The following TANGO6 variants were observed in gnomAD, a reference collection of about 807,000 sequenced individuals.
The protein encoded by TANGO6 is transport and golgi organization 6 homolog.
A neutral mutation model predicts 114.2 loss-of-function variants in TANGO6; 90 were observed. The ratio of observed to expected loss-of-function variants is 0.79; its 90% CI spans 0.66 to 0.94. The LOEUF (loss-of-function observed/expected upper bound fraction) is 0.94, where lower values mean the gene tolerates loss of function less well. TANGO6 is among the 40% of genes least tolerant of loss of function. The pLI is 0.00. For missense variants in TANGO6, 1,274 were observed against 1,315.3 expected (o/e 0.97, Z 0.49); for synonymous variants, 477 against 509.8 (o/e 0.94, Z 0.87).
intron 16 of TANGO6, chr16:69,035,341 G>A (rs1164521507): frequency 6.6e-6 from 1 of 152,204 alleles, no homozygotes; most frequent in African/African-American, 2.4e-5. Context: ...TTTACAGATG[G>A]TGAAGTTGCA....
chr16:69,045,861 C>A (rs1218214037), intron 17 of TANGO6, among the ~76,000 whole-genome samples: 1 of 150,274 alleles, frequency 6.7e-6, no homozygotes, highest in Non-Finnish European at 1.5e-5. Flanking sequence ...GTCAGGAATT[C>A]AAGACCAGCC....
chr16:68,859,191 G>C (rs2152156456), intron 1 of TANGO6, among the ~76,000 whole-genome samples: 1 of 152,098 alleles, frequency 6.6e-6, no homozygotes, highest in East Asian at 1.9e-4. Flanking sequence ...TTGTTTTTGA[G>C]ACTGGGTCTT....
intron 15 of TANGO6, among the ~76,000 whole-genome samples, chr16:68,988,689 TC>T (rs1260363424): frequency 7.0e-6 from 1 of 141,994 alleles, no homozygotes; most frequent in African/African-American, 2.8e-5. Flanking sequence ...AAGTTCTCTC[TC>T]TCTTTTTTTT....
intron 13 of TANGO6, among the ~76,000 whole-genome samples, chr16:68,928,850 G>A (rs547383659): frequency 2.6e-5 from 4 of 152,294 alleles, no homozygotes; most frequent in Middle Eastern, 3.4e-3. Flanking sequence ...TTAGTGGGGC[G>A]TTGGGCAAAA....
chr16:68,848,355 C>G (rs1035785814), intron 1 of TANGO6, among the ~76,000 whole-genome samples: 1 of 151,754 alleles, frequency 6.6e-6, no homozygotes, highest in African/African-American at 2.4e-5. Flanking sequence ...TATAGAGAAA[C>G]CAAAAAGAAG....
rs1308698858 is a variant in TANGO6, at chr16:69,084,258, G to A, written c.*597G>A. The A allele has an allele frequency of 6.6e-6, 1 of 152,428 alleles. No individual in the cohort carries two copies. The highest frequency in any genetic ancestry group is 1.5e-5 in the Non-Finnish European group (1 of 68,106). The allele number at this position is 152,428 out of a possible 1,614,324, so 9.4% of individuals were successfully genotyped here. On this transcript the variant is annotated 3_prime_UTR_variant, in exon 18 of 18. Transcript: ENST00000261778. ...TCCTCTGGTGTCGAGATGGAAAACTGTGGAGTTGAAGAGGCTCTGATGCCC... is the reference window on the plus strand; with the variant it reads ...TCCTCTGGTGTCGAGATGGAAAACTATGGAGTTGAAGAGGCTCTGATGCCC...
At chr16:69,070,644 A>G (rs1198543095) in intron 17 of TANGO6, among the ~76,000 whole-genome samples, 1 of 150,186 alleles carries the variant, frequency 6.7e-6, no homozygotes, top group Non-Finnish European at 1.5e-5. Context: ...AAAAAAAAAA[A>G]AACAAAAAAA....
At chr16:68,861,638 A>T (rs1039962916) in intron 2 of TANGO6, among the ~76,000 whole-genome samples, 1 of 152,206 alleles carries the variant, frequency 6.6e-6, no homozygotes, top group African/African-American at 2.4e-5. Context: ...GGCAGGAGAG[A>T]GAAATGAAAA....
chr16:69,073,813 G>A (rs560356864), intron 17 of TANGO6, among the ~76,000 whole-genome samples: 3 of 152,208 alleles, frequency 2.0e-5, no homozygotes, highest in East Asian at 1.9e-4. Flanking sequence ...AAATTAGCTC[G>A]GCATGGTGGC....
chr16:68,902,272 T>G, intron 8 of TANGO6, 56 bp from the exon 9 acceptor site: 1 of 1,509,720 alleles, frequency 6.6e-7, no homozygotes, highest in Non-Finnish European at 8.9e-7. Context: ...TTATGTTAGC[T>G]TGTTAGATGC....
At chr16:68,846,086 C>T (rs552952744) in intron 1 of TANGO6, among the ~76,000 whole-genome samples, 21 of 151,876 alleles carry the variant, frequency 1.4e-4, no homozygotes, top group Admixed American at 6.6e-4. Flanking sequence ...AGTGCAGTGG[C>T]GCAATCTCAG....
chr16:69,026,091 T>A (rs1377401656), intron 16 of TANGO6: 1 of 151,862 alleles, frequency 6.6e-6, no homozygotes, highest in Non-Finnish European at 1.5e-5. Context: ...AACCTCCGCC[T>A]CCCGGGTTCA....
chr16:68,940,137 CTT>C (rs1368371348), intron 14 of TANGO6, among the ~76,000 whole-genome samples: 55 of 134,348 alleles, frequency 4.1e-4, no homozygotes, highest in African/African-American at 1.5e-3. Flanking sequence ...TCTTTCCTTT[CTT>C]TTTATTTTGT....
chr16:69,041,244 C>T (rs1322734455), intron 17 of TANGO6, among the ~76,000 whole-genome samples: 1 of 151,850 alleles, frequency 6.6e-6, no homozygotes, highest in Non-Finnish European at 1.5e-5. Flanking sequence ...GTCAGGAGTT[C>T]GAGACCAGCC....
intron 4 of TANGO6, among the ~76,000 whole-genome samples, chr16:68,870,076 C>A (rs1417815384): frequency 6.6e-6 from 1 of 152,132 alleles, no homozygotes; most frequent in African/African-American, 2.4e-5. Flanking sequence ...AAATATCTAT[C>A]TGGAGGTATT....
At position 68,892,756 on chromosome 16, in the gene TANGO6, C is replaced by T. The variant is rs371202485; in HGVS notation, c.1378-7678C>T. ...TCTTGAACTCCTTACCTCAGGCAAT[C>T]TGCCCGCCTTGGCCTCCCAAAGTGC... On this transcript the variant is annotated intron_variant, in intron 7 of 17. Coordinates refer to ENST00000261778, the MANE Select transcript of TANGO6 (RefSeq NM_024562.2). 1.2e-4 allele frequency among the ~76,000 whole-genome samples: 19 copies of T among 152,280 alleles called. No individual in the cohort carries two copies. The South Asian group carries it at 2.1e-3, about 17-fold the overall frequency.
chr16:69,025,542 A>G (rs962744935), intron 16 of TANGO6, among the ~76,000 whole-genome samples: 5 of 152,224 alleles, frequency 3.3e-5, no homozygotes, highest in African/African-American at 1.2e-4. Context: ...AATGGTAGGC[A>G]TATGTAAAAT....
At chr16:69,047,180 CAAAA>C (rs11435479) in intron 17 of TANGO6, among the ~76,000 whole-genome samples, 3 of 104,594 alleles carry the variant, frequency 2.9e-5, no homozygotes, top group Admixed American at 9.9e-5. Flanking sequence ...GACTCTGTCT[CAAAA>C]AAAAAAAAAA....
At chr16:68,846,858 A>G (rs1961815763) in intron 1 of TANGO6, 1 of 151,428 alleles carries the variant, frequency 6.6e-6, no homozygotes, top group Non-Finnish European at 1.5e-5. Context: ...TTGTGTGGGG[A>G]AAAAAGTATC....
Sources: allele counts gnomAD v4.1 joint callset (sites outside exome capture counted in the v4.1 genomes callset), GRCh38; gene constraint gnomAD v4.1.1; transcripts MANE v1.5; gene names NCBI Gene and HGNC (gene_info 2026-07-23, HGNC 2026-07-21).